The following KIF1B variants were observed in gnomAD, a reference collection of about 807,000 sequenced individuals.
The protein encoded by KIF1B is kinesin family member 1B, also known as kinesin-like protein KIF1B.
Under a neutral mutation model 241.9 loss-of-function variants are expected in KIF1B, and 76 were observed. The observed-to-expected ratio is 0.31, with a 90% CI of 0.26 to 0.38. The LOEUF is 0.38. Among genes scored for constraint, KIF1B ranks in the 10% least tolerant of loss-of-function variants. The probability of loss-of-function intolerance (pLI) is 1.00; values close to 1 mark genes in which losing one functional copy is unlikely to be tolerated. For missense variants in KIF1B, 1,622 were observed against 2,271.4 expected (o/e 0.71, Z 5.81); for synonymous variants, 750 against 796.7 (o/e 0.94, Z 0.99).
chr1:10,213,974 C>T lies in KIF1B; in HGVS notation c.-80+3096C>T, dbSNP rs565290876. On this transcript the variant is annotated intron_variant, in intron 1 of 48. Coordinates refer to ENST00000676179, the MANE Select transcript of KIF1B (RefSeq NM_001365951.3). ...CAACATAGCAGGACCCCCATCTCTACCAAAAAAAAAAAAATCTGGATGTGG... is the reference window on the plus strand; with the variant it reads ...CAACATAGCAGGACCCCCATCTCTATCAAAAAAAAAAAAATCTGGATGTGG... 7.3e-4 allele frequency among the ~76,000 whole-genome samples: 110 copies of T among 150,046 alleles called. 1 individual carries two copies. The highest frequency in any genetic ancestry group is 2.7e-3 in the African/African-American group (109 of 40,860).
intron 34 of KIF1B, among the ~76,000 whole-genome samples, chr1:10,343,691 G>C (rs1652484135): frequency 6.6e-6 from 1 of 152,148 alleles, no homozygotes; most frequent in African/African-American, 2.4e-5. Context: ...CGGGGAGGTG[G>C]AGGTTGCAGT....
In KIF1B at chr1:10,317,442, T is replaced by G. The variant is rs554578961; in HGVS notation, c.2116-2601T>G. Among the ~76,000 whole-genome samples, 11 of 151,490 alleles carry G rather than the reference T, an allele frequency of 7.3e-5. 1 individual carries two copies. Among genetic ancestry groups the G allele is most frequent in the African/African-American group, 2.7e-4 (11 of 40,846 alleles). On this transcript the variant is annotated intron_variant, in intron 22 of 48. Transcript: ENST00000676179. ...TTGCTTCAGACCTGGAAGCAGCTAT[T>G]TTTTTCAAGGAACCCTGGTTCCTTT...
intron 2 of KIF1B, among the ~76,000 whole-genome samples, chr1:10,249,420 A>T (rs1432192458): frequency 6.6e-6 from 1 of 152,098 alleles, no homozygotes; most frequent in Non-Finnish European, 1.5e-5. Context: ...GCTCTTGAAA[A>T]TGGAATTTAA....
At chr1:10,289,926 A>C (rs985038903) in intron 15 of KIF1B, among the ~76,000 whole-genome samples, 1 of 150,912 alleles carries the variant, frequency 6.6e-6, no homozygotes, top group Non-Finnish European at 1.5e-5. Flanking sequence ...TAATAGGATT[A>C]TATCAGTCTC....
rs6685773 is a variant in KIF1B, at chr1:10,275,257, G to A, written c.883-171G>A. ...AAATGTAAAATGAAAAAATTACCTT[G>A]TTGCGTGAGTTTTTGGTTTTGTGAA... On this transcript the variant is annotated intron_variant, in intron 10 of 48. Transcript: ENST00000676179. Among the ~76,000 whole-genome samples, 151,189 of 152,346 alleles carry A rather than the reference G, an allele frequency of 0.99. 75,025 individuals carry two copies. The highest frequency in any genetic ancestry group is 1 in the Middle Eastern group (294 of 294).
At position 10,282,487 on chromosome 1, in the gene KIF1B, G is replaced by C. The variant is rs1462690333; in HGVS notation, c.1388G>C (p.Arg463Thr). 6.2e-7 allele frequency: 1 copy of C among 1,614,118 alleles called. No individual in the cohort carries two copies. The highest frequency in any genetic ancestry group is 1.1e-5 in the South Asian group (1 of 91,080). ...ACGTCTGTGACCAGTATTCAAGAGA[G>C]GATCATGTCTACACCTGGAGGAGAG... is the stretch of plus-strand genomic sequence containing the variant. ...GLTSVTSIQE[R>T]IMSTPGGEEA... The change falls in exon 15 of 49, where the codon AGG (arginine) becomes ACG (threonine). Residue 463 changes from arginine (R) to threonine (T), a missense_variant. Transcript: ENST00000676179.
chr1:10,241,245 G>C (rs1431540780), intron 2 of KIF1B, among the ~76,000 whole-genome samples: 2 of 151,660 alleles, frequency 1.3e-5, no homozygotes, highest in Non-Finnish European at 2.9e-5. Context: ...CTAGTAGCTG[G>C]GGCTACAGCC....
At chr1:10,250,310 G>T (rs530605817) in intron 2 of KIF1B, among the ~76,000 whole-genome samples, 1 of 151,174 alleles carries the variant, frequency 6.6e-6, no homozygotes, top group Non-Finnish European at 1.5e-5. Flanking sequence ...ACCCAAGGTC[G>T]TAAAAAACAC....
chr1:10,279,285 T>A (rs561704745), intron 14 of KIF1B, 147 bp downstream of exon 14: 1 of 486,896 alleles, frequency 2.1e-6, no homozygotes, highest in South Asian at 5.2e-5. Context: ...AATGATCCTA[T>A]TTTTGCCCTT....
At chr1:10,371,947 A>T (rs1196905824) in intron 45 of KIF1B, among the ~76,000 whole-genome samples, 1 of 152,060 alleles carries the variant, frequency 6.6e-6, no homozygotes, top group Non-Finnish European at 1.5e-5. Flanking sequence ...AAAAAAAATA[A>T]AAAAAAGACA....
chr1:10,216,433 G>A (rs773127165), intron 1 of KIF1B, among the ~76,000 whole-genome samples: 2 of 151,888 alleles, frequency 1.3e-5, no homozygotes. Flanking sequence ...TCTATACTAC[G>A]ACCTCTGGGT....
intron 22 of KIF1B, among the ~76,000 whole-genome samples, chr1:10,309,921 A>G (rs1265472326): frequency 2.6e-5 from 4 of 151,148 alleles, no homozygotes; most frequent in Non-Finnish European, 4.4e-5. Flanking sequence ...GTATATGCCA[A>G]GTTTCTTCCC....
intron 1 of KIF1B, among the ~76,000 whole-genome samples, chr1:10,213,556 A>C (rs1646724685): frequency 6.6e-6 from 1 of 152,154 alleles, no homozygotes; most frequent in Admixed American, 6.6e-5. Context: ...TCCTGTTTGT[A>C]ATCCCCTTCC....
At chr1:10,356,238 C>T (rs1482665335) in intron 38 of KIF1B, among the ~76,000 whole-genome samples, 4 of 151,838 alleles carry the variant, frequency 2.6e-5, no homozygotes, top group African/African-American at 7.3e-5. Flanking sequence ...TGATGGTGGG[C>T]GCCTGTAATC....
At chr1:10,324,124 T>A in intron 25 of KIF1B, 62 bp downstream of exon 25, 2 of 1,117,906 alleles carry the variant, frequency 1.8e-6, no homozygotes, top group South Asian at 2.6e-5. Flanking sequence ...CCTGCTCAAG[T>A]GAGCTCCCTC....
chr1:10,262,779 G>A (rs1218198796), intron 5 of KIF1B, among the ~76,000 whole-genome samples: 1 of 152,058 alleles, frequency 6.6e-6, no homozygotes, highest in African/African-American at 2.4e-5. Context: ...TGATTCATTT[G>A]TGGGAACTCT....
chr1:10,232,556 G>T (rs1038196853), intron 2 of KIF1B, 122 bp downstream of exon 2: 18 of 731,540 alleles, frequency 2.5e-5, no homozygotes, highest in Non-Finnish European at 4.1e-5. Flanking sequence ...TTGCTATTCT[G>T]AATGATCCAT....
In KIF1B at chr1:10,380,409, C is replaced by T. The variant is rs754120846; in HGVS notation, c.*3822C>T. 10 of 191,816 alleles carry T rather than the reference C, an allele frequency of 5.2e-5. No homozygotes were observed. Among genetic ancestry groups the T allele is most frequent in the Non-Finnish European group, 9.8e-5 (9 of 91,492 alleles). The allele number at this position is 191,816 out of a possible 1,614,324, so 11.9% of individuals were successfully genotyped here. A position where few individuals can be genotyped will look rare whatever the true frequency, so the allele number is the denominator to read the frequency against. On this transcript the variant is annotated 3_prime_UTR_variant, in exon 49 of 49. Transcript: ENST00000676179. ...TTTTAAAAATGTGATTGTTAACCTG[C>T]CTCTTGAAAGATTCAACCGGGTGTG... is the stretch of plus-strand genomic sequence containing the variant.
Position 10,311,757 on chromosome 1 carries a change from C to A in KIF1B, c.2116-8286C>A, listed in dbSNP as rs757332392. Among the ~76,000 whole-genome samples, 9 of 151,374 alleles carry A rather than the reference C, an allele frequency of 5.9e-5. 1 individual carries two copies. The highest frequency in any genetic ancestry group is 2.2e-4 in the African/African-American group (9 of 40,722). ...TTTTCCTTGAACCTTTCCAGCTGCT[C>A]CATCATGGTCTGTGGACACAGACCT... On this transcript the variant is annotated intron_variant, in intron 22 of 48. Coordinates refer to ENST00000676179, the MANE Select transcript of KIF1B (RefSeq NM_001365951.3).
Sources: allele counts gnomAD v4.1 joint callset (sites outside exome capture counted in the v4.1 genomes callset), GRCh38; gene constraint gnomAD v4.1.1; transcripts MANE v1.5; gene names NCBI Gene and HGNC (gene_info 2026-07-23, HGNC 2026-07-21).